The following CLCN1 variants were observed in gnomAD, a reference collection of about 807,000 sequenced individuals.
CLCN1 encodes the protein chloride channel protein 1.
In CLCN1, 100 loss-of-function variants were observed where a neutral mutation model predicts 114.5. The ratio of observed to expected loss-of-function variants is 0.87; its 90% CI spans 0.74 to 1.03. The LOEUF (loss-of-function observed/expected upper bound fraction) is 1.03, where lower values mean the gene tolerates loss of function less well. CLCN1 is among the 50% of genes least tolerant of loss of function. The probability of loss-of-function intolerance (pLI) is 0.00; values close to 1 mark genes in which losing one functional copy is unlikely to be tolerated. For synonymous variants in CLCN1, 485 were observed against 487.1 expected (o/e 1.00, Z 0.06); for missense variants, 1,188 against 1,250.0 (o/e 0.95, Z 0.75).
At chr7:143,336,523 T>C (rs1309589383) in intron 12 of CLCN1, among the ~76,000 whole-genome samples, 1 of 148,560 alleles carries the variant, frequency 6.7e-6, no homozygotes, top group Non-Finnish European at 1.5e-5. Context: ...GGCAGGAGAA[T>C]TGCTTGAACG....
chr7:143,344,236 A>G (rs1050437376), intron 16 of CLCN1, among the ~76,000 whole-genome samples: 3 of 152,194 alleles, frequency 2.0e-5, no homozygotes, highest in Admixed American at 1.3e-4. Context: ...CCTGCTTTGT[A>G]TGATTTCTTA....
At chr7:143,335,558 A>T (rs1802853139) in intron 12 of CLCN1, among the ~76,000 whole-genome samples, 1 of 152,188 alleles carries the variant, frequency 6.6e-6, no homozygotes, top group Non-Finnish European at 1.5e-5. Context: ...TAAAATATAA[A>T]CATGACTGAA....
intron 22 of CLCN1, 135 bp from the exon 23 acceptor site, chr7:143,351,459 C>T (rs1803397950): frequency 1.1e-6 from 1 of 885,998 alleles, no homozygotes; most frequent in East Asian, 2.6e-5. Flanking sequence ...TCTCTTTCTC[C>T]CCGTTTTGCC....
intron 14 of CLCN1, among the ~76,000 whole-genome samples, chr7:143,340,346 C>T (rs1051342524): frequency 1.2e-4 from 18 of 152,154 alleles, no homozygotes; most frequent in African/African-American, 3.9e-4. Context: ...TTCATGACTC[C>T]CTGGTACACA....
At position 143,324,276 on chromosome 7, in the gene CLCN1, A is replaced by C; in HGVS notation, c.775-138A>C. The C allele has an allele frequency of 1.4e-6, 1 of 729,614 alleles. No individual in the cohort carries two copies. The highest frequency in any genetic ancestry group is 2.5e-6 in the Non-Finnish European group (1 of 395,012). 45.2% of individuals were successfully genotyped at this position (729,614 alleles called of 1,614,324 possible). ...GAGTTTCTCTTGGCCTGGGAATCAC[A>C]GGGGACATGGGACCACAAGGACTCC... On this transcript the variant is annotated intron_variant, in intron 6 of 22. Coordinates refer to ENST00000343257, the MANE Select transcript of CLCN1 (RefSeq NM_000083.3). The surrounding 1 kb of genome is among the most constrained non-coding windows in gnomAD (Gnocchi z 4.6).
rs1222525763 is a variant in CLCN1, at chr7:143,346,578, G to T, written c.2285-1G>T. On this transcript the variant is annotated splice_acceptor_variant, in intron 18 of 22. Coordinates refer to ENST00000343257, the MANE Select transcript of CLCN1 (RefSeq NM_000083.3). LOFTEE classifies it high-confidence loss of function. ...TTCCATCCACTCACCTGTCCTCTCA[G>T]GTCAAAGACCCTCCATCTTCCAGTC... is the stretch of plus-strand genomic sequence containing the variant. 1 of 1,612,828 alleles carries T rather than the reference G, an allele frequency of 6.2e-7. No individual in the cohort carries two copies. Among genetic ancestry groups the T allele is most frequent in the African/African-American group, 1.3e-5 (1 of 74,990 alleles).
rs774042985 is a variant in CLCN1 at position 143,350,552 on chromosome 7, T to A, written c.2509-16T>A. ...GGGGCAAGGAACATGCACTGACCTGTGCTCTTCATCCTCAGACTCATACCC... is the reference window on the plus strand; with the variant it reads ...GGGGCAAGGAACATGCACTGACCTGAGCTCTTCATCCTCAGACTCATACCC... On this transcript the variant is annotated splice_polypyrimidine_tract_variant and intron_variant, in intron 21 of 22. Transcript: ENST00000343257. This position sits in a 1 kb window ranked among gnomAD's most constrained non-coding sequence, Gnocchi z 5.1. The A allele has an allele frequency of 6.2e-7, 1 of 1,613,206 alleles. No individual in the cohort carries two copies. The highest frequency in any genetic ancestry group is 1.1e-5 in the South Asian group (1 of 91,070).
Position 143,351,846 on chromosome 7 carries a change from G to T in CLCN1, c.2848G>T (p.Glu950Ter). ...CCTGGCCCCAGGCAAGGTAGAGGGCGAGTTGGAGGAGCTGGAGCTGGTGGA... is the reference window on the plus strand; with the variant it reads ...CCTGGCCCCAGGCAAGGTAGAGGGCTAGTTGGAGGAGCTGGAGCTGGTGGA... ...LSLAPGKVEG[E>*]LEELELVESP... The change falls in exon 23 of 23, where the codon GAG becomes TAG. Residue 950 changes from glutamate to a stop codon, truncating the protein, a stop_gained. Coordinates refer to ENST00000343257, the MANE Select transcript of CLCN1 (RefSeq NM_000083.3). LOFTEE classifies it high-confidence loss of function. The T allele has an allele frequency of 6.2e-7, 1 of 1,613,778 alleles. No individual in the cohort carries two copies. Among genetic ancestry groups the T allele is most frequent in the Non-Finnish European group, 8.5e-7 (1 of 1,179,692 alleles).
intron 10 of CLCN1, 24 bp from the exon 11 acceptor site, chr7:143,332,395 C>G: frequency 1.3e-6 from 2 of 1,587,126 alleles, no homozygotes; most frequent in Non-Finnish European, 1.7e-6. Context: ...TGAATTGTGG[C>G]GGTTAACTCT....
chr7:143,319,257 G>A (rs1296492815), intron 1 of CLCN1, among the ~76,000 whole-genome samples: 2 of 152,164 alleles, frequency 1.3e-5, no homozygotes, highest in African/African-American at 4.8e-5. Flanking sequence ...GACCTGAGGT[G>A]CCTCAGGTAA....
intron 5 of CLCN1, among the ~76,000 whole-genome samples, chr7:143,322,292 C>A (rs1425681378): frequency 6.6e-6 from 1 of 152,188 alleles, no homozygotes; most frequent in African/African-American, 2.4e-5. Context: ...CAGACCAATT[C>A]TCTTGCTTGA....
chr7:143,318,832 A>G (rs548903099), intron 1 of CLCN1, among the ~76,000 whole-genome samples: 2 of 152,330 alleles, frequency 1.3e-5, no homozygotes, highest in East Asian at 3.9e-4. Flanking sequence ...ACTGACCCAG[A>G]AGACAAACAG....
At chr7:143,320,857 G>T in intron 3 of CLCN1, 62 bp downstream of exon 3, 1 of 1,599,030 alleles carries the variant, frequency 6.3e-7, no homozygotes, top group South Asian at 1.1e-5. Context: ...GGGTAAGCAG[G>T]GTGTGTTATC....
rs374612039 is a variant in CLCN1, at chr7:143,332,396, G to A, written c.1167-23G>A. The A allele has an allele frequency of 5.3e-5, 84 of 1,593,326 alleles. 1 individual carries two copies. The highest frequency in any genetic ancestry group is 4.6e-4 in the South Asian group (42 of 90,646). Reference sequence around the variant, plus strand: ...TACTGTGAGTTGGCTGAATTGTGGCGGTTAACTCTGTTTCTTTTTCAGCCG... The same window carrying A: ...TACTGTGAGTTGGCTGAATTGTGGCAGTTAACTCTGTTTCTTTTTCAGCCG... On this transcript the variant is annotated intron_variant, in intron 10 of 22. Transcript: ENST00000343257.
chr7:143,350,382 G>GGGAGCA lies in CLCN1; in HGVS notation c.2422_2427dup (p.Glu808_Gln809dup), dbSNP rs1803359070. The GGGAGCA allele has an allele frequency of 6.2e-6, 10 of 1,613,646 alleles. No individual in the cohort carries two copies. Among genetic ancestry groups the GGGAGCA allele is most frequent in the Non-Finnish European group, 8.5e-6 (10 of 1,179,758 alleles). Reference sequence around the variant, plus strand: ...TCCTCTGGCTGACAGATTGAGGCCTGGGAGCAGGAGCAGCTGAGCCAGCCT... The same window carrying GGGAGCA: ...TCCTCTGGCTGACAGATTGAGGCCTGGGAGCAGGAGCAGGAGCAGCTGAGCCAGCCT... On this transcript the variant is annotated inframe_insertion, in exon 21 of 23. Coordinates refer to ENST00000343257, the MANE Select transcript of CLCN1 (RefSeq NM_000083.3). This position sits in a 1 kb window ranked among gnomAD's most constrained non-coding sequence, Gnocchi z 5.1.
At chr7:143,329,676 A>C (rs1802670914) in intron 7 of CLCN1, among the ~76,000 whole-genome samples, 1 of 152,096 alleles carries the variant, frequency 6.6e-6, no homozygotes, top group South Asian at 2.1e-4. Context: ...ACATGGAGAG[A>C]AAGGGGACAA....
intron 14 of CLCN1, among the ~76,000 whole-genome samples, chr7:143,340,258 G>A (rs1032848583): frequency 2.0e-5 from 3 of 152,070 alleles, no homozygotes; most frequent in African/African-American, 7.2e-5. Context: ...TAGCTCACTT[G>A]GTACGCTGCT....
intron 12 of CLCN1, among the ~76,000 whole-genome samples, chr7:143,337,111 C>A (rs1031074092): frequency 6.6e-6 from 1 of 152,178 alleles, no homozygotes; most frequent in East Asian, 1.9e-4. Context: ...CATTTTAAAG[C>A]AAGTTCCCCT....
intron 12 of CLCN1, among the ~76,000 whole-genome samples, chr7:143,338,928 G>T (rs1165149675): frequency 2.6e-5 from 4 of 152,200 alleles, no homozygotes; most frequent in Non-Finnish European, 1.5e-5. Context: ...AATGGGCTGG[G>T]GCTCTTTTGG....
Sources: gnomAD v4.1 joint callset for allele counts (sites outside exome capture counted in the v4.1 genomes callset) on GRCh38, gnomAD v4.1.1 for gene constraint, Gnocchi (gnomAD v3.1) non-coding constraint, MANE v1.5 for transcripts, NCBI Gene and HGNC (gene_info 2026-07-23, HGNC 2026-07-21) for gene names.